The following DRC10 variants were observed in gnomAD, a reference collection of about 807,000 sequenced individuals.
DRC10 encodes IQ domain-containing protein D.
the DRC10 span, chr12:113,197,396 T>C: frequency 1.6e-6 from 1 of 624,926 alleles, no homozygotes; most frequent in Non-Finnish European, 2.8e-6. Flanking sequence ...GGACAAACCC[T>C]TTAAACAAAG....
At chr12:113,207,707 T>A in the DRC10 span, 1 of 1,614,162 alleles carries the variant, frequency 6.2e-7, no homozygotes, top group Non-Finnish European at 8.5e-7. Context: ...CTAAGGACGT[T>A]CTTGGTGGAG....
the DRC10 span, among the ~76,000 whole-genome samples, chr12:113,206,985 G>C: frequency 6.6e-6 from 1 of 152,118 alleles, no homozygotes; most frequent in Non-Finnish European, 1.5e-5. Context: ...GCTTAAGCCT[G>C]AGAGATGGAG....
chr12:113,213,696 C>T, the DRC10 span, among the ~76,000 whole-genome samples: 22 of 152,234 alleles, frequency 1.4e-4, no homozygotes, highest in Non-Finnish European at 2.9e-4. Context: ...CAGTGGCCCA[C>T]GCCTGTAATG....
the DRC10 span, chr12:113,208,337 G>A: frequency 1.4e-6 from 2 of 1,421,118 alleles, no homozygotes; most frequent in South Asian, 1.6e-5. Context: ...AACCACAACT[G>A]TTGACATCAA....
the DRC10 span, among the ~76,000 whole-genome samples, chr12:113,215,016 G>A: frequency 6.6e-6 from 1 of 152,260 alleles, no homozygotes; most frequent in African/African-American, 2.4e-5. Flanking sequence ...GCAGGCTCCA[G>A]GATTATCTGG....
the DRC10 span, chr12:113,200,746 T>C: frequency 6.5e-7 from 1 of 1,536,068 alleles, no homozygotes; most frequent in East Asian, 2.4e-5. Context: ...GAGGCTGTTC[T>C]CTGAGAACTT....
the DRC10 span, among the ~76,000 whole-genome samples, chr12:113,202,493 C>A: frequency 1.3e-5 from 2 of 152,164 alleles, no homozygotes; most frequent in African/African-American, 4.8e-5. Flanking sequence ...TCTGCTCTCC[C>A]CAGAGAGGCT....
the DRC10 span, among the ~76,000 whole-genome samples, chr12:113,219,947 A>G: frequency 6.6e-6 from 1 of 152,154 alleles, no homozygotes; most frequent in African/African-American, 2.4e-5. Flanking sequence ...AGCTGGGATC[A>G]CAGGCACACG....
chr12:113,197,544 C>T, the DRC10 span: 3 of 1,529,934 alleles, frequency 2.0e-6, no homozygotes, highest in Non-Finnish European at 2.6e-6. Flanking sequence ...CAAATACCTG[C>T]TTCTCACCCA....
the DRC10 span, among the ~76,000 whole-genome samples, chr12:113,214,903 G>A: frequency 6.7e-6 from 1 of 149,174 alleles, no homozygotes; most frequent in South Asian, 2.3e-4. Flanking sequence ...TGTGTTTTAT[G>A]GTTTACAACT....
the DRC10 span, chr12:113,200,852 T>A: frequency 4.4e-5 from 63 of 1,442,492 alleles, no homozygotes; most frequent in Non-Finnish European, 5.5e-5. Flanking sequence ...AATACCTCCA[T>A]GCCCAGCCGG....
chr12:113,220,478 T>C, the DRC10 span, among the ~76,000 whole-genome samples: 2 of 151,100 alleles, frequency 1.3e-5, no homozygotes, highest in South Asian at 4.2e-4. Context: ...GGCCTAGAAC[T>C]CCTGACCTCA....
At chr12:113,200,084 C>T in the DRC10 span, 4 of 288,554 alleles carry the variant, frequency 1.4e-5, no homozygotes, top group Non-Finnish European at 2.7e-5. Flanking sequence ...TACTATGCAC[C>T]AGCTCTCTCA....
At chr12:113,207,334 C>A in the DRC10 span, 2 of 946,058 alleles carry the variant, frequency 2.1e-6, no homozygotes, top group Non-Finnish European at 3.4e-6. Context: ...GACAACAGAG[C>A]GAGACTCCAT....
the DRC10 span, among the ~76,000 whole-genome samples, chr12:113,202,700 T>A: frequency 6.6e-6 from 1 of 152,146 alleles, no homozygotes. Flanking sequence ...GGCCACATGA[T>A]GGGGAAAGCT....
At chr12:113,213,899 G>A in the DRC10 span, among the ~76,000 whole-genome samples, 1 of 152,096 alleles carries the variant, frequency 6.6e-6, no homozygotes, top group East Asian at 1.9e-4. Context: ...AGCCGAGATT[G>A]CAGCACTGCA....
the DRC10 span, among the ~76,000 whole-genome samples, chr12:113,214,003 C>T: frequency 6.6e-6 from 1 of 152,078 alleles, no homozygotes; most frequent in Non-Finnish European, 1.5e-5. Flanking sequence ...CCAGGCTGGT[C>T]TTGAACTCCT....
chr12:113,197,689 A>G, the DRC10 span: 1 of 891,178 alleles, frequency 1.1e-6, no homozygotes, highest in Non-Finnish European at 1.8e-6. Flanking sequence ...CTGCATCACT[A>G]GGCTCTGGCA....
the DRC10 span, chr12:113,200,396 A>G: frequency 4.3e-6 from 3 of 702,020 alleles, no homozygotes; most frequent in Admixed American, 4.0e-5. Flanking sequence ...CTCCCAGGAG[A>G]CACTGGCTTG....
Sources: gnomAD v4.1 joint callset for allele counts (sites outside exome capture counted in the v4.1 genomes callset) on GRCh38, gnomAD v4.1.1 for gene constraint, MANE v1.5 for transcripts, NCBI Gene and HGNC (gene_info 2026-07-23, HGNC 2026-07-21) for gene names.